The following RNF150 variants were observed in gnomAD, a reference collection of about 807,000 sequenced individuals.
RNF150 encodes ring finger protein 150.
In RNF150, 24 loss-of-function variants were observed where a neutral mutation model predicts 39.3. The ratio of observed to expected loss-of-function variants is 0.61; its 90% CI spans 0.44 to 0.86. The LOEUF (loss-of-function observed/expected upper bound fraction) is 0.86. RNF150 is among the 40% of genes least tolerant of loss of function. The pLI is 0.00. For synonymous variants in RNF150, 255 were observed against 227.3 expected, an observed-to-expected ratio of 1.12 and a Z score of -1.10; for missense variants, 502 against 587.8, an observed-to-expected ratio of 0.85 and a Z score of 1.51.
chr4:140,945,032 CTAGAA>C (rs2111365977), intron 4 of RNF150, among the ~76,000 whole-genome samples: 1 of 152,150 alleles, frequency 6.6e-6, no homozygotes, highest in African/African-American at 2.4e-5. Flanking sequence ...ATATGTGTGA[CTAGAA>C]TAAGATCAAA....
At position 140,954,946 on chromosome 4, in the gene RNF150, TC is replaced by T. The variant is rs370505863; in HGVS notation, c.736-5575del. On this transcript the variant is annotated intron_variant, in intron 2 of 6. Transcript: ENST00000515673. ...TAATTCTGTATCATATTTGTTTTTT[TC>T]CCTAACAGCTGTATTTTATGATCAT... Among the ~76,000 whole-genome samples the T allele has an allele frequency of 1.8e-4, 28 of 152,354 alleles. No individual in the cohort carries two copies. In the East Asian group the frequency reaches 3.5e-3, roughly 19 times the overall value.
rs372369239 is a variant in RNF150 at position 140,952,160 on chromosome 4, G to A, written c.736-2788C>T. ...CAAGTAGCTGGGATTACAGGTGCCCGCCACCACGCCTGGCTGATTTTTTTT... is the reference window on the plus strand; with the variant it reads ...CAAGTAGCTGGGATTACAGGTGCCCACCACCACGCCTGGCTGATTTTTTTT... On this transcript the variant is annotated intron_variant, in intron 2 of 6. Transcript: ENST00000515673. 7.2e-5 allele frequency among the ~76,000 whole-genome samples: 11 copies of A among 151,996 alleles called. No individual in the cohort carries two copies. In the South Asian group the frequency reaches 1.2e-3, roughly 17 times the overall value.
intron 1 of RNF150, among the ~76,000 whole-genome samples, chr4:141,161,515 G>A (rs1336599227): frequency 1.3e-5 from 2 of 152,188 alleles, no homozygotes; most frequent in East Asian, 3.9e-4. Flanking sequence ...ATTCAAGCAG[G>A]CTGCACAAAT....
intron 1 of RNF150, among the ~76,000 whole-genome samples, chr4:141,083,411 C>T (rs1160215531): frequency 6.6e-6 from 1 of 151,950 alleles, no homozygotes; most frequent in Non-Finnish European, 1.5e-5. Flanking sequence ...TTTCTCTTGC[C>T]CTCCTCCTCT....
intron 1 of RNF150, among the ~76,000 whole-genome samples, chr4:141,148,789 T>C (rs192028103): frequency 8.3e-4 from 127 of 152,270 alleles, no homozygotes; most frequent in Non-Finnish European, 1.5e-3. Context: ...TTTTTCCAGG[T>C]ATTAAAACTG....
At chr4:141,054,359 G>A (rs1376519935) in intron 1 of RNF150, among the ~76,000 whole-genome samples, 7 of 152,054 alleles carry the variant, frequency 4.6e-5, no homozygotes, top group African/African-American at 1.7e-4. Flanking sequence ...AATGTTGTTC[G>A]ACTATTTCCT....
intron 1 of RNF150, among the ~76,000 whole-genome samples, chr4:141,176,678 C>T (rs146672692): frequency 1.3e-5 from 2 of 152,248 alleles, no homozygotes; most frequent in East Asian, 3.9e-4. Flanking sequence ...ATGCCTTGTG[C>T]TCTCAAAATT....
chr4:141,174,025 A>G (rs1727770392), intron 1 of RNF150, among the ~76,000 whole-genome samples: 1 of 152,166 alleles, frequency 6.6e-6, no homozygotes, highest in African/African-American at 2.4e-5. Context: ...CAGAGGAATC[A>G]TATTTTGGAG....
At chr4:140,891,757 G>A (rs1368084284) in intron 6 of RNF150, among the ~76,000 whole-genome samples, 6 of 152,136 alleles carry the variant, frequency 3.9e-5, no homozygotes, top group Admixed American at 1.3e-4. Flanking sequence ...GGTCTGTTAG[G>A]ATCTGGGCCA....
intron 1 of RNF150, among the ~76,000 whole-genome samples, chr4:141,062,089 AGACACAC>A (rs879542172): frequency 2.0e-5 from 3 of 152,168 alleles, no homozygotes; most frequent in Admixed American, 2.0e-4. Context: ...AAGACTTAGG[AGACACAC>A]TTTCATACTA....
chr4:141,124,387 G>A (rs1350241953), intron 1 of RNF150, among the ~76,000 whole-genome samples: 2 of 152,184 alleles, frequency 1.3e-5, no homozygotes, highest in African/African-American at 4.8e-5. Flanking sequence ...AGAGTAGCTT[G>A]GGAGTGCCTT....
In RNF150 at chr4:140,862,860, CT is replaced by C. The variant is rs760933191; in HGVS notation, c.*5400del. 1 of 152,190 alleles carries C rather than the reference CT, an allele frequency of 6.6e-6. No individual in the cohort carries two copies. Among genetic ancestry groups the C allele is most frequent in the Non-Finnish European group, 1.5e-5 (1 of 68,042 alleles). 9.4% of individuals were successfully genotyped at this position (152,190 alleles called of 1,614,324 possible). On this transcript the variant is annotated 3_prime_UTR_variant, in exon 7 of 7. Coordinates refer to ENST00000515673, the MANE Select transcript of RNF150 (RefSeq NM_020724.2). ...ACGCACATTTTGTTAAGCACAGAAG[CT>C]TTCCAGCCCTGCTTTGACCAGCTCC...
chr4:140,869,308 G>A (rs577463605), intron 6 of RNF150, among the ~76,000 whole-genome samples: 5 of 152,334 alleles, frequency 3.3e-5, no homozygotes, highest in African/African-American at 1.2e-4. Flanking sequence ...TGTATGCAAT[G>A]GGGTCAACAG....
At chr4:141,189,976 C>T (rs1165870884) in intron 1 of RNF150, among the ~76,000 whole-genome samples, 1 of 152,162 alleles carries the variant, frequency 6.6e-6, no homozygotes, top group East Asian at 1.9e-4. Flanking sequence ...AGCTTGGTGT[C>T]TGCCCAAACA....
At chr4:141,039,546 A>G (rs1736279219) in intron 1 of RNF150, among the ~76,000 whole-genome samples, 1 of 152,168 alleles carries the variant, frequency 6.6e-6, no homozygotes. Context: ...GGAATGTATT[A>G]TAAAATTAAA....
At chr4:141,140,520 A>G (rs1727101031) in intron 1 of RNF150, among the ~76,000 whole-genome samples, 2 of 152,110 alleles carry the variant, frequency 1.3e-5, no homozygotes, top group African/African-American at 2.4e-5. Context: ...ATTTTTTCAC[A>G]TAGTTGTTCA....
intron 2 of RNF150, among the ~76,000 whole-genome samples, chr4:140,956,566 G>C (rs985037318): frequency 6.6e-6 from 1 of 152,164 alleles, no homozygotes; most frequent in Non-Finnish European, 1.5e-5. Context: ...GACACAGCCA[G>C]CTTTCTGTAT....
At chr4:140,990,880 T>C (rs545663431) in intron 1 of RNF150, among the ~76,000 whole-genome samples, 4 of 152,180 alleles carry the variant, frequency 2.6e-5, no homozygotes, top group Non-Finnish European at 5.9e-5. Context: ...CAAAGGGTAT[T>C]TCTGGTTCTA....
intron 1 of RNF150, among the ~76,000 whole-genome samples, chr4:141,148,218 A>C (rs1368208486): frequency 6.6e-6 from 1 of 152,182 alleles, no homozygotes; most frequent in Non-Finnish European, 1.5e-5. Context: ...AAAATAATAT[A>C]TAGGATGATG....
Sources: gnomAD v4.1 joint callset for allele counts (sites outside exome capture counted in the v4.1 genomes callset) on GRCh38, gnomAD v4.1.1 for gene constraint, MANE v1.5 for transcripts, NCBI Gene and HGNC (gene_info 2026-07-23, HGNC 2026-07-21) for gene names.